BCR: variants seen among roughly 807,000 people sequenced by gnomAD.
BCR encodes the protein breakpoint cluster region protein.
A neutral mutation model predicts 138.6 loss-of-function variants in BCR; 58 were observed. The ratio of observed to expected loss-of-function variants is 0.42; its 90% CI spans 0.34 to 0.52. BCR has a LOEUF of 0.52. Ranked by LOEUF, BCR falls within the 20% of genes least tolerant of loss-of-function variation. BCR has a pLI of 0.06. For missense variants in BCR, 1,599 were observed against 1,727.2 expected (o/e 0.93, Z 1.32); for synonymous variants, 786 against 730.1 (o/e 1.08, Z -1.23).
intron 1 of BCR, among the ~76,000 whole-genome samples, chr22:23,245,724 C>T (rs5996504): frequency 0.087 from 13,273 of 151,726 alleles, 2,005 homozygotes; most frequent in African/African-American, 0.31. Flanking sequence ...GATGTCCATC[C>T]GGAAGGATAC....
intron 1 of BCR, among the ~76,000 whole-genome samples, chr22:23,243,557 C>G (rs1355284759): frequency 6.6e-6 from 1 of 152,068 alleles, no homozygotes; most frequent in Non-Finnish European, 1.5e-5. Context: ...ACCCAGCCCT[C>G]TTCCGTTTGG....
intron 1 of BCR, among the ~76,000 whole-genome samples, chr22:23,252,069 C>G (rs193267228): frequency 1.3e-5 from 2 of 152,314 alleles, no homozygotes; most frequent in African/African-American, 4.8e-5. Flanking sequence ...ACCAGATAGT[C>G]CCAACAGGCA....
chr22:23,286,177 G>T (rs1184351162), intron 10 of BCR, among the ~76,000 whole-genome samples: 1 of 152,236 alleles, frequency 6.6e-6, no homozygotes. Flanking sequence ...CCCAGGCCCA[G>T]GTGGCAGTGC....
At chr22:23,262,683 G>GCCGGGAATGGCGGGC in intron 4 of BCR, 1 of 674,882 alleles carries the variant, frequency 1.5e-6, no homozygotes, top group Non-Finnish European at 1.8e-6. Context: ...GTGTGGGGCC[G>GCCGGGAATGGCGGGC]CCGGGAATGG....
chr22:23,256,707 G>T (rs909065347), intron 2 of BCR, among the ~76,000 whole-genome samples: 3 of 152,128 alleles, frequency 2.0e-5, no homozygotes, highest in Non-Finnish European at 2.9e-5. Flanking sequence ...TAGGAGGAGG[G>T]ACTAGAAGGG....
intron 14 of BCR, chr22:23,291,119 A>C (rs1043564818): frequency 6.6e-6 from 1 of 152,190 alleles, no homozygotes; most frequent in Non-Finnish European, 1.5e-5. Context: ...GAGGGAAGAG[A>C]ATCGCTTGAA....
At chr22:23,263,204 G>A in intron 4 of BCR, 3 of 923,856 alleles carry the variant, frequency 3.2e-6, no homozygotes, top group Middle Eastern at 6.3e-4. Context: ...CGGCTGCGGG[G>A]CCAGCGCTCT....
Position 23,181,617 on chromosome 22 carries a change from G to C in BCR, c.657G>C (p.Ala219=), listed in dbSNP as rs1236211698. ...AGCGCAAAAAGTCCCAGCACGGCGC[G>C]GGCTCGAGCGTGGGGGATGCATCCA... ...QMERKKSQHG[A]GSSVGDASRP... The change falls in exon 1 of 23, where the codon GCG becomes GCC. Residue 219 remains alanine, a synonymous_variant. Coordinates refer to ENST00000305877, the MANE Select transcript of BCR (RefSeq NM_004327.4). The C allele has an allele frequency of 6.2e-7, 1 of 1,611,728 alleles. No individual in the cohort carries two copies. The highest frequency in any genetic ancestry group is 8.5e-7 in the Non-Finnish European group (1 of 1,179,984).
At position 23,188,656 on chromosome 22, in the gene BCR, G is replaced by T. The variant is rs187172565; in HGVS notation, c.1279+6417G>T. ...AGAGTAGGTCTGAGTTTTGGCTGAG[G>T]CTGCTGCTTTTTGGGTCAAGACTCG... On this transcript the variant is annotated intron_variant, in intron 1 of 22. Transcript: ENST00000305877. Among the ~76,000 whole-genome samples, 4 of 152,290 alleles carry T rather than the reference G, an allele frequency of 2.6e-5. No homozygotes were observed. In the East Asian group the frequency reaches 7.7e-4, roughly 29 times the overall value.
At chr22:23,284,667 G>A (rs1602103396) in intron 9 of BCR, among the ~76,000 whole-genome samples, 2 of 152,306 alleles carry the variant, frequency 1.3e-5, no homozygotes, top group East Asian at 3.9e-4. Context: ...AGGGGATGAC[G>A]CCAGCTAGAT....
At chr22:23,297,862 T>C (rs1291123722) in intron 16 of BCR, among the ~76,000 whole-genome samples, 4 of 152,168 alleles carry the variant, frequency 2.6e-5, no homozygotes, top group Admixed American at 6.5e-5. Context: ...TCCTGTGTTA[T>C]CATGTCAGGC....
chr22:23,287,337 G>T (rs1455447605), intron 11 of BCR, 59 bp downstream of exon 11: 3 of 1,473,022 alleles, frequency 2.0e-6, no homozygotes, highest in Non-Finnish European at 2.7e-6. Context: ...GCTCCTGGTT[G>T]CCTAATGGCA....
At chr22:23,276,610 T>C (rs2073579443) in intron 8 of BCR, among the ~76,000 whole-genome samples, 1 of 152,224 alleles carries the variant, frequency 6.6e-6, no homozygotes, top group South Asian at 2.1e-4. Context: ...CAGAGCTTTC[T>C]ATCCGAGGCA....
intron 1 of BCR, among the ~76,000 whole-genome samples, chr22:23,199,581 G>A (rs1017830725): frequency 2.6e-5 from 4 of 152,170 alleles, no homozygotes; most frequent in Admixed American, 2.6e-4. Flanking sequence ...TAATACCATG[G>A]GTGGAAACTA....
chr22:23,263,356 T>C (rs1033358846), intron 4 of BCR: 12 of 1,210,086 alleles, frequency 9.9e-6, no homozygotes, highest in Admixed American at 1.7e-5. Flanking sequence ...TGGGCCTCGC[T>C]CAACTCCGGC....
At chr22:23,284,371 G>A (rs775748734) in intron 9 of BCR, among the ~76,000 whole-genome samples, 1 of 152,086 alleles carries the variant, frequency 6.6e-6, no homozygotes, top group Non-Finnish European at 1.5e-5. Context: ...GGACCCATCC[G>A]GGAAGCGTGA....
intron 1 of BCR, among the ~76,000 whole-genome samples, chr22:23,200,621 G>A (rs960358429): frequency 9.9e-5 from 15 of 152,030 alleles, no homozygotes; most frequent in Non-Finnish European, 1.2e-4. Flanking sequence ...GCAGTGGTGC[G>A]ATCATGGCTC....
At chr22:23,207,443 G>A (rs2072630379) in intron 1 of BCR, among the ~76,000 whole-genome samples, 1 of 151,662 alleles carries the variant, frequency 6.6e-6, no homozygotes, top group Non-Finnish European at 1.5e-5. Context: ...AAGCAACATA[G>A]CAAGACGCTG....
At chr22:23,265,078 A>G (rs976287800) in intron 4 of BCR, 3 of 152,200 alleles carry the variant, frequency 2.0e-5, no homozygotes, top group Admixed American at 6.5e-5. Context: ...AAAAAAACAC[A>G]CATCCAGAGC....
Sources: allele counts gnomAD v4.1 joint callset (sites outside exome capture counted in the v4.1 genomes callset), GRCh38; gene constraint gnomAD v4.1.1; transcripts MANE v1.5; gene names NCBI Gene and HGNC (gene_info 2026-07-23, HGNC 2026-07-21).